The following KLRK1 variants were observed in gnomAD, a reference collection of about 807,000 sequenced individuals.
KLRK1 encodes killer cell lectin like receptor K1, also known as NKG2-D type II integral membrane protein.
A neutral mutation model predicts 31.3 loss-of-function variants in KLRK1; 40 were observed. The observed-to-expected ratio is 1.28, with a 90% CI of 0.99 to 1.67. The LOEUF (loss-of-function observed/expected upper bound fraction) is 1.67. KLRK1 is among the 40% of genes most tolerant of loss of function. The pLI is 0.00. For missense variants in KLRK1, 251 were observed against 260.0 expected (o/e 0.97, Z 0.24); for synonymous variants, 77 against 77.3 (o/e 1.00, Z 0.02).
intron 2 of KLRK1, among the ~76,000 whole-genome samples, chr12:10,387,744 C>T (rs1009033411): frequency 1.3e-5 from 2 of 151,978 alleles, no homozygotes; most frequent in African/African-American, 2.4e-5. Context: ...CGGGGTTTCA[C>T]CATATTGGCC....
At chr12:10,373,352 C>T in intron 7 of KLRK1, 121 bp from the exon 8 acceptor site, 2 of 720,720 alleles carry the variant, frequency 2.8e-6, no homozygotes, top group South Asian at 2.5e-5. Flanking sequence ...GATTATGGAC[C>T]ATGCCTGGTC....
chr12:10,373,177 A>G lies in KLRK1; in HGVS notation c.588T>C (p.Phe196=). The G allele has an allele frequency of 1.9e-6, 3 of 1,612,230 alleles. No individual in the cohort carries two copies. Among genetic ancestry groups the G allele is most frequent in the South Asian group, 2.2e-5 (2 of 90,624 alleles). The part of the protein sequence containing the change: ...KGDCALYASS[F]KGYIENCSTP... Reference sequence around the variant, plus strand: ...TTGAACAGTTTTCTATATAGCCTTTAAAGCTCGAGGCATAGAGTGCACAGT... The same window carrying G: ...TTGAACAGTTTTCTATATAGCCTTTGAAGCTCGAGGCATAGAGTGCACAGT... The change falls in exon 8 of 8, where the codon TTT becomes TTC. Residue 196 remains phenylalanine (F), a synonymous_variant. Transcript: ENST00000240618.
chr12:10,384,727 AAAGC>A (rs1355024418), intron 3 of KLRK1, among the ~76,000 whole-genome samples: 4 of 152,122 alleles, frequency 2.6e-5, no homozygotes, highest in Non-Finnish European at 5.9e-5. Flanking sequence ...ACAGGCAACA[AAAGC>A]AAAAAGAAAC....
In KLRK1 at chr12:10,372,461, A is replaced by T. The variant is rs1053071137; in HGVS notation, c.*653T>A. On this transcript the variant is annotated 3_prime_UTR_variant, in exon 8 of 8. Transcript: ENST00000240618. ...TCCAAAATACAATAGTGGGACAAAC[A>T]TAGGATGGATATTACTATTCCAAAA... The T allele has an allele frequency of 6.6e-6, 1 of 152,434 alleles. No homozygotes were observed. Among genetic ancestry groups the T allele is most frequent in the Non-Finnish European group, 1.5e-5 (1 of 68,174 alleles). The allele number at this position is 152,434 out of a possible 1,614,324, so 9.4% of individuals were successfully genotyped here.
intron 3 of KLRK1, among the ~76,000 whole-genome samples, chr12:10,380,059 G>GTTTTTT (rs1162094591): frequency 3.4e-3 from 282 of 83,754 alleles, no homozygotes; most frequent in African/African-American, 6.4e-3. Context: ...TGTTGTTATT[G>GTTTTTT]TTTTTTTTTT....
intron 6 of KLRK1, 102 bp downstream of exon 6, chr12:10,378,452 C>A: frequency 1.3e-6 from 2 of 1,542,254 alleles, no homozygotes; most frequent in Non-Finnish European, 1.7e-6. Context: ...ATTAGAATAA[C>A]CAAGTCACAG....
intron 3 of KLRK1, among the ~76,000 whole-genome samples, chr12:10,381,144 C>T (rs1007129879): frequency 2.6e-5 from 4 of 151,756 alleles, no homozygotes; most frequent in African/African-American, 7.3e-5. Context: ...CATGCATGCG[C>T]CCCCCCAGAT....
chr12:10,380,585 A>G (rs1863056852), intron 3 of KLRK1, among the ~76,000 whole-genome samples: 1 of 152,156 alleles, frequency 6.6e-6, no homozygotes, highest in South Asian at 2.1e-4. Flanking sequence ...GATAGCATAG[A>G]AAGGGAAGAG....
chr12:10,388,836 C>T lies in KLRK1; in HGVS notation c.-26G>A, dbSNP rs376415496. 4.6e-5 allele frequency: 74 copies of T among 1,613,462 alleles called. No individual in the cohort carries two copies. In the Middle Eastern group the frequency reaches 6.6e-4, roughly 14 times the overall value. ...CAAATACTTATAAGTGCACGTCTAC[C>T]GCAGAGAGGAATCTAAAGTCTTCAA... On this transcript the variant is annotated 5_prime_UTR_variant, in exon 2 of 8. Transcript: ENST00000240618.
Position 10,372,570 on chromosome 12 carries a change from A to G in KLRK1, c.*544T>C. 1 of 152,008 alleles carries G rather than the reference A, an allele frequency of 6.6e-6. No homozygotes were observed. The highest frequency in any genetic ancestry group is 1.4e-5 in the Non-Finnish European group (1 of 69,782). 9.4% of individuals were successfully genotyped at this position (152,008 alleles called of 1,614,324 possible). On this transcript the variant is annotated 3_prime_UTR_variant, in exon 8 of 8. Transcript: ENST00000240618. ...AGGAAACGTCCTAAGATCTTACTTAAGGCTGGAGAATAATGCCTTTAAGAT... is the reference window on the plus strand; with the variant it reads ...AGGAAACGTCCTAAGATCTTACTTAGGGCTGGAGAATAATGCCTTTAAGAT...
chr12:10,388,787 C>G lies in KLRK1; in HGVS notation c.24G>C (p.Arg8Ser). MGWIRGR[R>S]SRHSWEMSEF... The stretch of plus-strand genomic sequence containing the variant: ...AAAACATACCCCAGCTGTGTCGAGA[C>G]CTCCGACCACGAATCCACCCCATCA... The change falls in exon 2 of 8, where the codon AGG (arginine) becomes AGC (serine). Residue 8 changes from arginine to serine, a missense_variant. Coordinates refer to ENST00000240618, the MANE Select transcript of KLRK1 (RefSeq NM_007360.4). 6.2e-7 allele frequency: 1 copy of G among 1,613,880 alleles called. No homozygotes were observed. Among genetic ancestry groups the G allele is most frequent in the Non-Finnish European group, 8.5e-7 (1 of 1,179,930 alleles).
chr12:10,378,737 A>G (rs781466922), intron 5 of KLRK1, 32 bp from the exon 6 acceptor site: 3 of 1,558,846 alleles, frequency 1.9e-6, no homozygotes, highest in Non-Finnish European at 2.6e-6. Context: ...TTAATTCTAC[A>G]CATCTGAACC....
intron 3 of KLRK1, among the ~76,000 whole-genome samples, chr12:10,384,746 G>A (rs527963022): frequency 6.6e-6 from 1 of 152,146 alleles, no homozygotes; most frequent in South Asian, 2.1e-4. Flanking sequence ...AGAAACAAAT[G>A]AGATTGTATC....
At chr12:10,382,483 C>T (rs976883631) in intron 3 of KLRK1, among the ~76,000 whole-genome samples, 3 of 152,068 alleles carry the variant, frequency 2.0e-5, no homozygotes, top group African/African-American at 4.8e-5. Flanking sequence ...ACTGAGATAC[C>T]GTACCCAGCA....
At chr12:10,374,361 A>G (rs1862921518) in intron 7 of KLRK1, among the ~76,000 whole-genome samples, 1 of 145,562 alleles carries the variant, frequency 6.9e-6, no homozygotes, top group African/African-American at 2.6e-5. Context: ...AGTCTACATT[A>G]GAGTCTCGTT....
In KLRK1 at chr12:10,372,466, A is replaced by G. The variant is rs552704510; in HGVS notation, c.*648T>C. On this transcript the variant is annotated 3_prime_UTR_variant, in exon 8 of 8. Transcript: ENST00000240618. Reference sequence around the variant, plus strand: ...AATACAATAGTGGGACAAACATAGGATGGATATTACTATTCCAAAAGGAAG... The same window carrying G: ...AATACAATAGTGGGACAAACATAGGGTGGATATTACTATTCCAAAAGGAAG... The G allele has an allele frequency of 1.3e-5, 2 of 152,532 alleles. No homozygotes were observed. Among genetic ancestry groups the G allele is most frequent in the Admixed American group, 1.3e-4 (2 of 15,298 alleles). The allele number at this position is 152,532 out of a possible 1,614,324, so 9.4% of individuals were successfully genotyped here.
chr12:10,389,809 CAGG>C (rs1863241252), intron 1 of KLRK1, 131 bp downstream of exon 1: 2 of 152,066 alleles, frequency 1.3e-5, no homozygotes, highest in Non-Finnish European at 1.5e-5. Flanking sequence ...TCCGTATCCT[CAGG>C]AGTTCTATTC....
At chr12:10,378,922 G>C (rs192038985) in intron 5 of KLRK1, 4 of 419,584 alleles carry the variant, frequency 9.5e-6, no homozygotes, top group Non-Finnish European at 1.6e-5. Context: ...GGGAGGCCAA[G>C]GCAGGTGACT....
At chr12:10,377,442 A>C (rs1424628805) in intron 7 of KLRK1, among the ~76,000 whole-genome samples, 1 of 152,234 alleles carries the variant, frequency 6.6e-6, no homozygotes, top group Non-Finnish European at 1.5e-5. Flanking sequence ...ATAAATGAAG[A>C]GATAAAAGGA....
Sources: gnomAD v4.1 joint callset for allele counts (sites outside exome capture counted in the v4.1 genomes callset) on GRCh38, gnomAD v4.1.1 for gene constraint, MANE v1.5 for transcripts, NCBI Gene and HGNC (gene_info 2026-07-23, HGNC 2026-07-21) for gene names.